Variants in PREP observed in about 807,000 individuals in gnomAD.
The protein encoded by PREP is dJ355L5.1 (prolyl endopeptidase).
A neutral mutation model predicts 87.6 loss-of-function variants in PREP; 29 were observed. The observed-to-expected ratio is 0.33, with a 90% CI of 0.25 to 0.45. The LOEUF is 0.45. Among genes scored for constraint, PREP ranks in the 20% least tolerant of loss-of-function variants. PREP has a pLI of 1.00. For missense variants in PREP, 695 were observed against 886.5 expected, an observed-to-expected ratio of 0.78 and a Z score of 2.74; for synonymous variants, 337 against 328.6, an observed-to-expected ratio of 1.03 and a Z score of -0.28.
At position 105,283,245 on chromosome 6, in the gene PREP, T is replaced by C. The variant is rs909256060; in HGVS notation, c.1550-663A>G. 3.3e-5 allele frequency among the ~76,000 whole-genome samples: 5 copies of C among 152,234 alleles called. No individual in the cohort carries two copies. The South Asian group carries it at 6.2e-4, about 19-fold the overall frequency. ...ATTCCAGAATGAAAGATCTTCAACG[T>C]TTCCCCAGAGAATCTGGGCTTTATC... On this transcript the variant is annotated intron_variant, in intron 12 of 14. Transcript: ENST00000652536.
At chr6:105,347,107 A>G (rs72946101) in intron 7 of PREP, among the ~76,000 whole-genome samples, 5,860 of 152,362 alleles carry the variant, frequency 0.038, 160 homozygotes, top group South Asian at 0.081. Context: ...ATTATCCTAT[A>G]AAGCAGGGAA....
At chr6:105,386,701 G>C (rs1450048879) in intron 2 of PREP, among the ~76,000 whole-genome samples, 1 of 152,102 alleles carries the variant, frequency 6.6e-6, no homozygotes, top group South Asian at 2.1e-4. Context: ...TATTCCCTAG[G>C]GCAGTTTTCC....
chr6:105,383,445 C>T (rs1772902075), intron 2 of PREP, among the ~76,000 whole-genome samples: 1 of 152,098 alleles, frequency 6.6e-6, no homozygotes, highest in Admixed American at 6.5e-5. Context: ...CACAAGCAAC[C>T]CCCTACTCAT....
intron 2 of PREP, among the ~76,000 whole-genome samples, chr6:105,395,391 G>C (rs2114735031): frequency 6.6e-6 from 1 of 152,230 alleles, no homozygotes; most frequent in African/African-American, 2.4e-5. Flanking sequence ...ACACTTACTA[G>C]CTGAGTAGCC....
chr6:105,354,114 T>C (rs1391606940), intron 6 of PREP, among the ~76,000 whole-genome samples: 1 of 152,238 alleles, frequency 6.6e-6, no homozygotes, highest in African/African-American at 2.4e-5. Context: ...CATGTTGATA[T>C]GTGTAAATCT....
At chr6:105,339,880 G>A (rs1028126843) in intron 7 of PREP, among the ~76,000 whole-genome samples, 1 of 152,088 alleles carries the variant, frequency 6.6e-6, no homozygotes, top group East Asian at 1.9e-4. Context: ...AAGAAATATG[G>A]GACTATGTGA....
At chr6:105,329,174 A>G in intron 8 of PREP, 148 bp from the exon 9 acceptor site, 2 of 727,770 alleles carry the variant, frequency 2.7e-6, no homozygotes, top group East Asian at 5.5e-5. Flanking sequence ...TTTTTTTGAG[A>G]CAGGGTCTTG....
At chr6:105,339,476 T>C (rs1771575944) in intron 7 of PREP, among the ~76,000 whole-genome samples, 1 of 152,108 alleles carries the variant, frequency 6.6e-6, no homozygotes, top group Non-Finnish European at 1.5e-5. Context: ...GAGCTCCTCT[T>C]CTCCTCCAAA....
chr6:105,323,051 T>C, intron 10 of PREP: 3 of 1,304,104 alleles, frequency 2.3e-6, no homozygotes, highest in Non-Finnish European at 2.0e-6. Context: ...ACAGAGACAT[T>C]CTTCGTCATC....
chr6:105,369,975 G>T (rs1035583473), intron 5 of PREP, among the ~76,000 whole-genome samples: 2 of 152,094 alleles, frequency 1.3e-5, no homozygotes, highest in African/African-American at 4.8e-5. Flanking sequence ...GATATGGTCG[G>T]GCGTGGTGGC....
Position 105,323,675 on chromosome 6 carries a change from T to G in PREP, c.1307A>C (p.Gln436Pro), listed in dbSNP as rs200109219. 1 of 1,609,426 alleles carries G rather than the reference T, an allele frequency of 6.2e-7. No individual in the cohort carries two copies. The highest frequency in any genetic ancestry group is 1.3e-5 in the African/African-American group (1 of 74,948). Residue 436 changes from glutamine (Q) to proline (P), a missense_variant, in exon 10 of 15, where the codon CAG (glutamine) becomes CCG (proline). By Grantham distance (76) the Gln-to-Pro change is moderately conservative. Around this residue, in one of 5 missense-constraint regions of PREP, gnomAD observed 517 missense variants for 620.3 expected, o/e 0.83. Coordinates refer to ENST00000652536, the MANE Select transcript of PREP (RefSeq NM_002726.5). ...TVKGIDASDYQTVQIFYPSKD... is the reference protein window; with the variant it reads ...TVKGIDASDYPTVQIFYPSKD... ...TCATATTCTCCATACCTGGACTGTC[T>G]GGTAATCAGAAGCATCAATTCCTTT...
intron 2 of PREP, among the ~76,000 whole-genome samples, chr6:105,384,493 C>T (rs1021634744): frequency 6.6e-6 from 1 of 152,180 alleles, no homozygotes; most frequent in South Asian, 2.1e-4. Flanking sequence ...TGGTACCGCT[C>T]GCTTGTACCT....
chr6:105,365,461 A>AT (rs1333053571), intron 6 of PREP, among the ~76,000 whole-genome samples: 2 of 151,954 alleles, frequency 1.3e-5, no homozygotes, highest in Non-Finnish European at 2.9e-5. Flanking sequence ...CATGATCCAG[A>AT]TTTTTCTGAG....
Position 105,377,406 on chromosome 6 carries a change from G to A in PREP, c.234C>T (p.Cys78=). The A allele has an allele frequency of 1.2e-6, 2 of 1,608,018 alleles. No homozygotes were observed. Among genetic ancestry groups the A allele is most frequent in the South Asian group, 1.1e-5 (1 of 89,310 alleles). Residue 78 remains cysteine (C), a synonymous_variant, in exon 3 of 15, where the codon TGC becomes TGT. Transcript: ENST00000652536. ...TELYDYPKYS[C]HFKKGKRYFY... The stretch of plus-strand genomic sequence containing the variant: ...CTCACCGTTTTCCTTTCTTGAAGTG[G>A]CAACTATACTTGGGATAATCATATA...
chr6:105,362,254 A>C (rs983139754), intron 6 of PREP, among the ~76,000 whole-genome samples: 1 of 152,158 alleles, frequency 6.6e-6, no homozygotes, highest in Admixed American at 6.5e-5. Context: ...TGAGGTGAGG[A>C]GTTCAGGACC....
intron 12 of PREP, among the ~76,000 whole-genome samples, chr6:105,285,167 A>G (rs2273713): frequency 9.9e-5 from 15 of 152,186 alleles, no homozygotes; most frequent in African/African-American, 3.4e-4. Context: ...AATACCAAAA[A>G]GCTCTCCGAG....
intron 7 of PREP, among the ~76,000 whole-genome samples, chr6:105,347,674 T>G (rs1771833734): frequency 6.6e-6 from 1 of 152,186 alleles, no homozygotes; most frequent in Non-Finnish European, 1.5e-5. Flanking sequence ...AAATTTATTC[T>G]GAATTTTGTC....
intron 6 of PREP, among the ~76,000 whole-genome samples, chr6:105,360,244 C>T (rs906648288): frequency 6.6e-6 from 1 of 152,212 alleles, no homozygotes; most frequent in Admixed American, 6.5e-5. Context: ...AATCTGTGAA[C>T]TCCCAACCTC....
chr6:105,302,325 A>G (rs1414893726), intron 10 of PREP: 1 of 176,948 alleles, frequency 5.7e-6, no homozygotes, highest in East Asian at 1.7e-4. Context: ...GTCCATCATC[A>G]GAGGGTTATG....
Sources: allele counts gnomAD v4.1 joint callset (sites outside exome capture counted in the v4.1 genomes callset), GRCh38; gene constraint gnomAD v4.1.1; regional missense constraint gnomAD v4.1.1; transcripts MANE v1.5; gene names NCBI Gene and HGNC (gene_info 2026-07-23, HGNC 2026-07-21).